Variants in NRXN1 observed in about 807,000 individuals in gnomAD.
NRXN1 encodes neurexin-1.
A neutral mutation model predicts 150.9 loss-of-function variants in NRXN1; 39 were observed. The observed-to-expected ratio is 0.26, with a 90% CI of 0.20 to 0.34. The LOEUF (loss-of-function observed/expected upper bound fraction) is 0.34, where lower values mean the gene tolerates loss of function less well. NRXN1 is among the 10% of genes least tolerant of loss of function. NRXN1 has a pLI of 1.00. For synonymous variants in NRXN1, 924 were observed against 757.0 expected, an observed-to-expected ratio of 1.22 and a Z score of -3.62; for missense variants, 1,815 against 1,949.9, an observed-to-expected ratio of 0.93 and a Z score of 1.30.
chr2:50,999,836 C>T (rs546651622), intron 2 of NRXN1, among the ~76,000 whole-genome samples: 22 of 152,130 alleles, frequency 1.4e-4, no homozygotes, highest in African/African-American at 5.3e-4. Context: ...CCTCCACTAC[C>T]ACCCTAGTCC....
At chr2:50,315,259 A>C (rs1439240099) in intron 17 of NRXN1, among the ~76,000 whole-genome samples, 1 of 152,094 alleles carries the variant, frequency 6.6e-6, no homozygotes, top group Non-Finnish European at 1.5e-5. Flanking sequence ...CGTTTTTCTC[A>C]GAATCAAGCG....
At chr2:50,455,564 C>T (rs2087472201) in intron 17 of NRXN1, among the ~76,000 whole-genome samples, 1 of 152,188 alleles carries the variant, frequency 6.6e-6, no homozygotes, top group African/African-American at 2.4e-5. Flanking sequence ...ACACCAAAAT[C>T]CAGTTTAATT....
At chr2:50,421,290 T>G (rs1469808240) in intron 17 of NRXN1, among the ~76,000 whole-genome samples, 3 of 152,130 alleles carry the variant, frequency 2.0e-5, no homozygotes, top group Non-Finnish European at 4.4e-5. Context: ...AACTGTTGTA[T>G]GCATCGGTAA....
intron 18 of NRXN1, among the ~76,000 whole-genome samples, chr2:50,175,793 C>T (rs543258305): frequency 6.6e-6 from 1 of 152,228 alleles, no homozygotes; most frequent in South Asian, 2.1e-4. Context: ...AGTAAACACA[C>T]AAATCTTCCC....
chr2:50,440,510 G>A (rs1355079961), intron 17 of NRXN1, among the ~76,000 whole-genome samples: 3 of 151,980 alleles, frequency 2.0e-5, no homozygotes, highest in African/African-American at 7.2e-5. Context: ...AAAATAGATG[G>A]TTTGATAGAT....
chr2:50,195,995 A>G (rs2061735814), intron 18 of NRXN1, among the ~76,000 whole-genome samples: 1 of 151,948 alleles, frequency 6.6e-6, no homozygotes, highest in African/African-American at 2.4e-5. Flanking sequence ...GTTCTGGGGT[A>G]CATGCACAGG....
At chr2:50,714,759 T>C (rs866586198) in intron 5 of NRXN1, among the ~76,000 whole-genome samples, 1 of 152,092 alleles carries the variant, frequency 6.6e-6, no homozygotes, top group African/African-American at 2.4e-5. Flanking sequence ...CAGGCTGCAA[T>C]TGTGAACTGT....
At chr2:50,629,469 A>T (rs1384709001) in intron 5 of NRXN1, among the ~76,000 whole-genome samples, 2 of 151,582 alleles carry the variant, frequency 1.3e-5, no homozygotes, top group African/African-American at 2.4e-5. Flanking sequence ...CTTGGTAGAG[A>T]TGGAGAGGGG....
Position 50,391,884 on chromosome 2 carries a change from T to C in NRXN1, c.3364+73558A>G, listed in dbSNP as rs115809835. On this transcript the variant is annotated intron_variant, in intron 17 of 22. Coordinates refer to ENST00000401669, the MANE Select transcript of NRXN1 (RefSeq NM_001330078.2). ...TTTCTGTACAATTCAGAGAGGTACATACAGAGGGACCACTTCATTTAGTAA... is the reference window on the plus strand; with the variant it reads ...TTTCTGTACAATTCAGAGAGGTACACACAGAGGGACCACTTCATTTAGTAA... 9.1e-3 allele frequency among the ~76,000 whole-genome samples: 1,380 copies of C among 152,302 alleles called. 12 individuals carry two copies. The highest frequency in any genetic ancestry group is 0.014 in the Non-Finnish European group (982 of 67,996).
At chr2:50,178,505 A>G (rs766871002) in intron 18 of NRXN1, among the ~76,000 whole-genome samples, 164 of 152,190 alleles carry the variant, frequency 1.1e-3, no homozygotes, top group Non-Finnish European at 2.2e-3. Flanking sequence ...AACAGAACCT[A>G]CAGAAGGTTG....
intron 17 of NRXN1, among the ~76,000 whole-genome samples, chr2:50,393,165 C>CA (rs201195938): frequency 0.023 from 3,131 of 136,740 alleles, 74 homozygotes; most frequent in African/African-American, 0.067. Flanking sequence ...CTCTCCATAC[C>CA]AAAAAAAAAA....
chr2:49,958,459 A>T (rs1006285889), intron 21 of NRXN1, among the ~76,000 whole-genome samples: 1 of 152,046 alleles, frequency 6.6e-6, no homozygotes, highest in African/African-American at 2.4e-5. Flanking sequence ...ATTTCATTGC[A>T]GTTGTTATCA....
intron 18 of NRXN1, among the ~76,000 whole-genome samples, chr2:50,202,113 C>T (rs913238868): frequency 6.6e-6 from 1 of 152,164 alleles, no homozygotes; most frequent in African/African-American, 2.4e-5. Context: ...GCCTACTGTA[C>T]TGTTTTAATT....
chr2:50,826,788 C>T (rs1383552478), intron 5 of NRXN1, among the ~76,000 whole-genome samples: 2 of 152,028 alleles, frequency 1.3e-5, no homozygotes, highest in Non-Finnish European at 2.9e-5. Flanking sequence ...CTTAGACATC[C>T]CAGTGGAAAG....
In NRXN1 at chr2:50,504,354, T is replaced by G. The variant is rs1246936525; in HGVS notation, c.2497+2141A>C. On this transcript the variant is annotated intron_variant, in intron 13 of 22. Coordinates refer to ENST00000401669, the MANE Select transcript of NRXN1 (RefSeq NM_001330078.2). ...GATATTCCCATTTTTAAAAAATACA[T>G]GCTGAAGTATTTCGGGTTAAAGGGA... Among the ~76,000 whole-genome samples, 7 of 152,114 alleles carry G rather than the reference T, an allele frequency of 4.6e-5. No homozygotes were observed. The East Asian group carries it at 1.4e-3, about 29-fold the overall frequency.
intron 17 of NRXN1, among the ~76,000 whole-genome samples, chr2:50,453,229 G>C (rs1209399760): frequency 2.1e-5 from 3 of 141,626 alleles, no homozygotes; most frequent in Non-Finnish European, 4.8e-5. Context: ...TCATATGGAG[G>C]CTCCTAAAAC....
At chr2:50,419,705 C>T (rs1558698721) in intron 17 of NRXN1, among the ~76,000 whole-genome samples, 1 of 151,978 alleles carries the variant, frequency 6.6e-6, no homozygotes, top group Non-Finnish European at 1.5e-5. Context: ...ATTGGAAATA[C>T]TTAAACTTTA....
At chr2:50,922,486 C>T (rs1052699322) in intron 4 of NRXN1, 172 bp downstream of exon 4, 7 of 735,684 alleles carry the variant, frequency 9.5e-6, no homozygotes, top group African/African-American at 3.6e-5. Flanking sequence ...CAAAATCAAA[C>T]GAACAAAGAA....
chr2:49,946,823 G>T (rs1002610688), intron 21 of NRXN1, among the ~76,000 whole-genome samples: 5 of 152,106 alleles, frequency 3.3e-5, no homozygotes, highest in Non-Finnish European at 5.9e-5. Flanking sequence ...ATGCTACAAG[G>T]CTACAGTAAC....
Sources: allele counts gnomAD v4.1 joint callset (sites outside exome capture counted in the v4.1 genomes callset), GRCh38; gene constraint gnomAD v4.1.1; transcripts MANE v1.5; gene names NCBI Gene and HGNC (gene_info 2026-07-23, HGNC 2026-07-21).